Variants in PDGFC observed in about 807,000 individuals in gnomAD.
PDGFC encodes the protein platelet-derived growth factor C.
Under a neutral mutation model 35.5 loss-of-function variants are expected in PDGFC, and 12 were observed. That is an observed-to-expected ratio of 0.34 (90% confidence interval 0.22 to 0.55). The LOEUF is 0.55. PDGFC is among the 20% of genes least tolerant of loss of function. PDGFC has a pLI of 0.91. For synonymous variants in PDGFC, 159 were observed against 148.8 expected, an observed-to-expected ratio of 1.07 and a Z score of -0.50; for missense variants, 322 against 412.4, an observed-to-expected ratio of 0.78 and a Z score of 1.90.
intron 3 of PDGFC, among the ~76,000 whole-genome samples, chr4:156,786,272 A>G (rs1244689652): frequency 1.3e-5 from 2 of 152,210 alleles, no homozygotes; most frequent in Non-Finnish European, 2.9e-5. Context: ...AGAAAAACAG[A>G]CCATGCACAA....
intron 2 of PDGFC, among the ~76,000 whole-genome samples, chr4:156,811,308 G>A (rs1226515585): frequency 1.3e-5 from 2 of 152,148 alleles, no homozygotes; most frequent in East Asian, 3.9e-4. Context: ...AACCCTATCT[G>A]ACATTCGATT....
chr4:156,902,404 C>T (rs141299218), intron 1 of PDGFC, among the ~76,000 whole-genome samples: 162 of 152,114 alleles, frequency 1.1e-3, no homozygotes, highest in African/African-American at 3.7e-3. Context: ...ATCCTGTATC[C>T]CTCCTTACCT....
At chr4:156,956,696 A>G (rs762499371) in intron 1 of PDGFC, among the ~76,000 whole-genome samples, 6 of 152,084 alleles carry the variant, frequency 3.9e-5, no homozygotes, top group Non-Finnish European at 7.4e-5. Flanking sequence ...TTACCTAAAA[A>G]TAGCAATGTT....
chr4:156,878,433 TACA>T (rs1395224905), intron 1 of PDGFC, among the ~76,000 whole-genome samples: 1 of 152,172 alleles, frequency 6.6e-6, no homozygotes, highest in East Asian at 1.9e-4. Flanking sequence ...TATTAAAAAT[TACA>T]ATTAACAAAG....
intron 1 of PDGFC, among the ~76,000 whole-genome samples, chr4:156,965,715 CA>C (rs1024537487): frequency 1.3e-5 from 2 of 152,046 alleles, no homozygotes; most frequent in African/African-American, 2.4e-5. Context: ...GAGCTAAAGC[CA>C]AAAGAGCTGC....
chr4:156,931,559 C>T (rs770015501), intron 1 of PDGFC, among the ~76,000 whole-genome samples: 3 of 152,076 alleles, frequency 2.0e-5, no homozygotes, highest in Non-Finnish European at 4.4e-5. Context: ...GAGCATCACA[C>T]CTTAACTGTT....
At chr4:156,908,896 CA>C (rs1018983158) in intron 1 of PDGFC, among the ~76,000 whole-genome samples, 1 of 152,090 alleles carries the variant, frequency 6.6e-6, no homozygotes, top group Non-Finnish European at 1.5e-5. Context: ...AACTATTATT[CA>C]GCCATAAAAA....
intron 3 of PDGFC, among the ~76,000 whole-genome samples, chr4:156,791,781 T>C (rs1184354961): frequency 6.6e-6 from 1 of 152,158 alleles, no homozygotes; most frequent in Non-Finnish European, 1.5e-5. Flanking sequence ...ATAAAATACA[T>C]TAGTTGTGGT....
chr4:156,858,691 G>T (rs1182485477), intron 1 of PDGFC, among the ~76,000 whole-genome samples: 1 of 151,914 alleles, frequency 6.6e-6, no homozygotes, highest in East Asian at 1.9e-4. Context: ...AAAATATTAG[G>T]CACTCTAAAA....
At chr4:156,957,840 G>T (rs1236428655) in intron 1 of PDGFC, among the ~76,000 whole-genome samples, 1 of 151,890 alleles carries the variant, frequency 6.6e-6, no homozygotes, top group East Asian at 1.9e-4. Flanking sequence ...TCTGAGGTCT[G>T]CCTCAAAACA....
intron 1 of PDGFC, among the ~76,000 whole-genome samples, chr4:156,925,353 T>C (rs1046385788): frequency 3.3e-5 from 5 of 152,050 alleles, no homozygotes; most frequent in African/African-American, 1.2e-4. Flanking sequence ...CAATTCAGGA[T>C]GCTCAAGATG....
intron 1 of PDGFC, among the ~76,000 whole-genome samples, chr4:156,902,157 T>C (rs1162948891): frequency 6.6e-6 from 1 of 152,242 alleles, no homozygotes; most frequent in Non-Finnish European, 1.5e-5. Flanking sequence ...ATCTGACTCC[T>C]GACTACTTAT....
At position 156,762,130 on chromosome 4, in the gene PDGFC, C is replaced by A. The variant is rs1247880014; in HGVS notation, c.*960G>T. ...TATTCCAATTCAGTTTTTTAAAATG[C>A]AGATTAATCTAACTCTAGCACCATA... is the stretch of plus-strand genomic sequence containing the variant. On this transcript the variant is annotated 3_prime_UTR_variant, in exon 6 of 6. Transcript: ENST00000502773. 1.3e-5 allele frequency: 2 copies of A among 152,542 alleles called. No homozygotes were observed. The highest frequency in any genetic ancestry group is 2.4e-5 in the African/African-American group (1 of 41,410). 9.4% of individuals were successfully genotyped at this position (152,542 alleles called of 1,614,324 possible).
chr4:156,859,347 G>T (rs1203180669), intron 1 of PDGFC, among the ~76,000 whole-genome samples: 1 of 151,860 alleles, frequency 6.6e-6, no homozygotes, highest in Non-Finnish European at 1.5e-5. Flanking sequence ...GCTAATTGAG[G>T]GCAAGAAAAA....
intron 1 of PDGFC, among the ~76,000 whole-genome samples, chr4:156,874,249 T>C (rs191117703): frequency 1.3e-5 from 2 of 152,290 alleles, no homozygotes; most frequent in Admixed American, 6.5e-5. Flanking sequence ...TAAATTGTCT[T>C]AACCATAATA....
At chr4:156,930,798 G>A (rs1331741962) in intron 1 of PDGFC, among the ~76,000 whole-genome samples, 1 of 152,124 alleles carries the variant, frequency 6.6e-6, no homozygotes, top group Non-Finnish European at 1.5e-5. Context: ...AACCAGGAAG[G>A]CCGGAGGTTG....
chr4:156,971,691 T>G lies in PDGFC; in HGVS notation c.-788A>C, dbSNP rs868313578. Among the ~76,000 whole-genome samples the G allele has an allele frequency of 6.6e-6, 1 of 151,756 alleles. No homozygotes were observed. Among genetic ancestry groups the G allele is most frequent in the African/African-American group, 2.4e-5 (1 of 41,380 alleles). On this transcript the variant is annotated 5_prime_UTR_variant, in exon 1 of 6. Coordinates refer to ENST00000502773, the MANE Select transcript of PDGFC (RefSeq NM_016205.3). ...CCCCGCTCCTCAAAGCCTGGGGCAA[T>G]TCGGCCGCTCGGGGTCACCGCGGGG...
At chr4:156,933,350 G>C (rs753589912) in intron 1 of PDGFC, among the ~76,000 whole-genome samples, 1 of 152,044 alleles carries the variant, frequency 6.6e-6, no homozygotes, top group South Asian at 2.1e-4. Context: ...ATCAATACAC[G>C]GCATCTTTTG....
chr4:156,838,692 T>A (rs1729126750), intron 2 of PDGFC, among the ~76,000 whole-genome samples: 1 of 152,230 alleles, frequency 6.6e-6, no homozygotes, highest in South Asian at 2.1e-4. Flanking sequence ...TATCATAATC[T>A]AAACATTTCC....
Sources: gnomAD v4.1 joint callset for allele counts (sites outside exome capture counted in the v4.1 genomes callset) on GRCh38, gnomAD v4.1.1 for gene constraint, MANE v1.5 for transcripts, NCBI Gene and HGNC (gene_info 2026-07-23, HGNC 2026-07-21) for gene names.